The following GREB1 variants were observed in gnomAD, a reference collection of about 807,000 sequenced individuals.
GREB1 encodes the protein growth regulating estrogen receptor binding 1.
A neutral mutation model predicts 200.7 loss-of-function variants in GREB1; 106 were observed. The ratio of observed to expected loss-of-function variants is 0.53; its 90% confidence interval spans 0.45 to 0.62. GREB1 has a LOEUF of 0.62. Among genes scored for constraint, GREB1 ranks in the 20% least tolerant of loss-of-function variants. GREB1 has a pLI of 0.00. For missense variants in GREB1, 2,243 were observed against 2,556.8 expected, an observed-to-expected ratio of 0.88 and a Z score of 2.65; for synonymous variants, 1,132 against 1,092.4, an observed-to-expected ratio of 1.04 and a Z score of -0.72.
chr2:11,560,146 AT>A (rs1206047303), intron 2 of GREB1, among the ~76,000 whole-genome samples: 2 of 152,210 alleles, frequency 1.3e-5, no homozygotes, highest in Non-Finnish European at 2.9e-5. Context: ...GTTTGTCTGG[AT>A]TAACCACCTC....
intron 1 of GREB1, among the ~76,000 whole-genome samples, chr2:11,517,227 T>C (rs1673537135): frequency 6.6e-6 from 1 of 152,186 alleles, no homozygotes; most frequent in Admixed American, 6.5e-5. Flanking sequence ...AGCACCATCC[T>C]GTGTGCCTTG....
At chr2:11,512,227 A>G (rs977855048) in intron 1 of GREB1, among the ~76,000 whole-genome samples, 6 of 152,144 alleles carry the variant, frequency 3.9e-5, no homozygotes, top group African/African-American at 1.4e-4. Context: ...AAATTCTTTT[A>G]TTTTCATTTT....
intron 4 of GREB1, among the ~76,000 whole-genome samples, chr2:11,574,607 G>A (rs533300599): frequency 6.6e-6 from 1 of 152,342 alleles, no homozygotes; most frequent in Admixed American, 6.5e-5. Flanking sequence ...GGCAGCCTCG[G>A]ATGCCAGGCC....
At chr2:11,587,741 A>ACGTGCGCG (rs1553366379) in intron 9 of GREB1, 1 of 772,876 alleles carries the variant, frequency 1.3e-6, no homozygotes, top group Non-Finnish European at 1.6e-6. Context: ...ACACACACAC[A>ACGTGCGCG]CGCCACCTTT....
intron 1 of GREB1, among the ~76,000 whole-genome samples, chr2:11,488,184 T>C (rs1672698195): frequency 6.6e-6 from 1 of 152,158 alleles, no homozygotes; most frequent in African/African-American, 2.4e-5. Context: ...GGCCCCTCCT[T>C]AGACCAACTC....
intron 25 of GREB1, among the ~76,000 whole-genome samples, chr2:11,628,118 C>T (rs564962763): frequency 3.0e-4 from 45 of 152,302 alleles, no homozygotes; most frequent in Admixed American, 6.5e-4. Context: ...AACGAGGACT[C>T]TCTCAGTGGG....
At chr2:11,584,349 A>G (rs9287734) in intron 7 of GREB1, among the ~76,000 whole-genome samples, 92,042 of 151,948 alleles carry the variant, frequency 0.61, 29,924 homozygotes, top group African/African-American at 0.86. Context: ...ATTGGAGTGG[A>G]TGCGCTGCTC....
intron 19 of GREB1, among the ~76,000 whole-genome samples, chr2:11,612,967 G>A (rs1260447514): frequency 1.3e-5 from 2 of 152,180 alleles, no homozygotes; most frequent in Non-Finnish European, 2.9e-5. Flanking sequence ...GCTTGGGACA[G>A]TACGGCATCC....
At chr2:11,612,209 A>AAT in intron 18 of GREB1, 5 of 606,628 alleles carry the variant, frequency 8.2e-6, no homozygotes, top group Non-Finnish European at 1.1e-5. Context: ...AAAAAAAAAA[A>AAT]GACTTAAGGA....
rs377745933 is a variant in GREB1 at position 11,501,371 on chromosome 2, A to G, written c.-159+18990A>G. ...ATTTGCTGCAGATCTCCGAGTTACC[A>G]TGACCCAGCTCATTAAAGACAGAAG... On this transcript the variant is annotated intron_variant, in intron 1 of 2. Transcript: ENST00000628795. 4.0e-3 allele frequency among the ~76,000 whole-genome samples: 607 copies of G among 152,302 alleles called. 3 individuals carry two copies. Among genetic ancestry groups the G allele is most frequent in the Middle Eastern group, 0.017 (5 of 294 alleles).
In GREB1 at chr2:11,588,910, G is replaced by A. The variant is rs757103095; in HGVS notation, c.1324G>A (p.Val442Ile). Residue 442 changes from valine (V) to isoleucine (I), a missense_variant, in exon 10 of 33, where the codon GTC becomes ATC. Transcript: ENST00000381486. ...CGAGGAGATGCAGCTCCTGCTTACC[G>A]TCTACTACCTGGTCCAGCTGGGTGA... is the stretch of plus-strand genomic sequence containing the variant. ...ISEEMQLLLT[V>I]YYLVQLAADQ... 1.3e-5 allele frequency: 21 copies of A among 1,614,022 alleles called. No homozygotes were observed. Among genetic ancestry groups the A allele is most frequent in the Non-Finnish European group, 1.8e-5 (21 of 1,179,974 alleles).
chr2:11,530,188 A>G (rs1422491039), upstream of GREB1, among the ~76,000 whole-genome samples: 1 of 151,978 alleles, frequency 6.6e-6, no homozygotes, highest in African/African-American at 2.4e-5. Flanking sequence ...CAGCCTCCCT[A>G]GTAGCTGGGA....
At chr2:11,524,038 C>T (rs1259240383) in intron 1 of GREB1, among the ~76,000 whole-genome samples, 2 of 146,452 alleles carry the variant, frequency 1.4e-5, no homozygotes, top group South Asian at 2.1e-4. Flanking sequence ...AATGCACACA[C>T]GTGCATGCAC....
intron 1 of GREB1, among the ~76,000 whole-genome samples, chr2:11,495,564 G>A (rs894861669): frequency 5.3e-4 from 80 of 151,882 alleles, no homozygotes; most frequent in Non-Finnish European, 1.8e-4. Context: ...AGCACTTCAC[G>A]TGTAACTCAC....
At position 11,499,608 on chromosome 2, in the gene GREB1, A is replaced by C. The variant is rs2148422412; in HGVS notation, c.-159+17227A>C. ...ATTTGTTGATTTATTTATCTGATGA[A>C]AGTAATTAAAAATCACTTTCTTTAC... On this transcript the variant is annotated intron_variant, in intron 1 of 2. Coordinates refer to the GREB1 transcript ENST00000628795. Among the ~76,000 whole-genome samples the C allele has an allele frequency of 1.3e-5, 2 of 152,352 alleles. 1 individual carries two copies. Among genetic ancestry groups the C allele is most frequent in the South Asian group, 4.1e-4 (2 of 4,826 alleles).
intron 4 of GREB1, among the ~76,000 whole-genome samples, chr2:11,573,849 C>G (rs1678561666): frequency 6.6e-6 from 1 of 152,210 alleles, no homozygotes; most frequent in Non-Finnish European, 1.5e-5. Flanking sequence ...CGACGGTCCC[C>G]AGCCCGTGTT....
Position 11,588,735 on chromosome 2 carries a change from T to C in GREB1, c.1160-11T>C. On this transcript the variant is annotated splice_polypyrimidine_tract_variant and intron_variant, in intron 9 of 32. Transcript: ENST00000381486. ...AAGACTGGGTGCCAAGTCGCTGCTG[T>C]TCCTCTGCAGGCCATGGGAACTTCC... 12 of 1,613,788 alleles carry C rather than the reference T, an allele frequency of 7.4e-6. No individual in the cohort carries two copies. Among genetic ancestry groups the C allele is most frequent in the Non-Finnish European group, 1.0e-5 (12 of 1,179,640 alleles).
chr2:11,499,137 C>T (rs1221522877), intron 1 of GREB1, among the ~76,000 whole-genome samples: 2 of 152,054 alleles, frequency 1.3e-5, no homozygotes, highest in African/African-American at 4.8e-5. Flanking sequence ...TATTTCATTC[C>T]AAAACTCCAT....
intron 1 of GREB1, among the ~76,000 whole-genome samples, chr2:11,552,819 G>C (rs1031851082): frequency 6.6e-6 from 1 of 152,016 alleles, no homozygotes; most frequent in Non-Finnish European, 1.5e-5. Flanking sequence ...AGACCATCCT[G>C]GCTAACACGG....
Sources: gnomAD v4.1 joint callset for allele counts (sites outside exome capture counted in the v4.1 genomes callset) on GRCh38, gnomAD v4.1.1 for gene constraint, MANE v1.5 for transcripts, NCBI Gene and HGNC (gene_info 2026-07-23, HGNC 2026-07-21) for gene names.